The following DHX35 variants were observed in gnomAD, a reference collection of about 807,000 sequenced individuals.
The protein encoded by DHX35 is probable ATP-dependent RNA helicase DHX35.
DHX35 carries 84 observed loss-of-function variants against 99.6 expected under a neutral mutation model. The observed-to-expected ratio is 0.84, with a 90% CI of 0.71 to 1.01. The LOEUF (loss-of-function observed/expected upper bound fraction) is 1.01, where lower values mean the gene tolerates loss of function less well. DHX35 is among the 50% of genes least tolerant of loss of function. The probability of loss-of-function intolerance (pLI) is 0.00; values close to 1 mark genes in which losing one functional copy is unlikely to be tolerated. For missense variants in DHX35, 852 were observed against 888.5 expected (o/e 0.96, Z 0.52); for synonymous variants, 331 against 316.2 (o/e 1.05, Z -0.50).
chr20:38,967,674 C>G (rs1484379316), intron 1 of DHX35, among the ~76,000 whole-genome samples: 1 of 152,190 alleles, frequency 6.6e-6, no homozygotes, highest in Non-Finnish European at 1.5e-5. Context: ...TATGGCTTCC[C>G]TATTCTTCAC....
chr20:38,968,258 A>G (rs568077974), intron 1 of DHX35, among the ~76,000 whole-genome samples: 5 of 152,270 alleles, frequency 3.3e-5, no homozygotes, highest in African/African-American at 9.6e-5. Context: ...GCTCCTGTAC[A>G]GTAGCCAACC....
At chr20:38,987,033 C>T (rs1408362273) in intron 4 of DHX35, among the ~76,000 whole-genome samples, 1 of 152,174 alleles carries the variant, frequency 6.6e-6, no homozygotes, top group Non-Finnish European at 1.5e-5. Context: ...TGTCTCAGGA[C>T]ACCACATGTG....
chr20:38,991,211 A>T (rs1324095454), intron 5 of DHX35, among the ~76,000 whole-genome samples: 2 of 152,216 alleles, frequency 1.3e-5, no homozygotes, highest in Non-Finnish European at 2.9e-5. Context: ...TGATGTTCCC[A>T]TAATAAAGGC....
intron 2 of DHX35, among the ~76,000 whole-genome samples, chr20:38,969,497 GAT>G (rs1324757084): frequency 6.6e-6 from 1 of 152,082 alleles, no homozygotes; most frequent in Admixed American, 6.5e-5. Context: ...GACAATTTCA[GAT>G]ATACAGAAAA....
intron 16 of DHX35, among the ~76,000 whole-genome samples, chr20:39,022,839 A>C (rs546124022): frequency 6.6e-6 from 1 of 152,232 alleles, no homozygotes; most frequent in African/African-American, 2.4e-5. Flanking sequence ...AGAGATAGAT[A>C]CTCAGAAGTA....
rs78993681 is a variant in DHX35, at chr20:38,980,532, G to C, written c.268-3167G>C. ...TTCTGTTTTTTTTTTTTTTGTATTT[G>C]TGTTGATTGGGGTGGTTGGTAGTAT... On this transcript the variant is annotated intron_variant, in intron 3 of 21. Transcript: ENST00000252011. Among the ~76,000 whole-genome samples, 609 of 116,698 alleles carry C rather than the reference G, an allele frequency of 5.2e-3. 28 individuals are homozygous for C. The East Asian group carries it at 0.12, about 24-fold the overall frequency. 76.6% of individuals were successfully genotyped at this position (116,698 alleles called of 152,430 possible). A position where few individuals can be genotyped will look rare whatever the true frequency, so the allele number is the denominator to read the frequency against.
At chr20:39,001,511 C>CT (rs2086519647) in intron 8 of DHX35, among the ~76,000 whole-genome samples, 1 of 152,156 alleles carries the variant, frequency 6.6e-6, no homozygotes, top group Non-Finnish European at 1.5e-5. Flanking sequence ...TTTATTAAAA[C>CT]TTTAGTAAAG....
intron 12 of DHX35, 37 bp from the exon 13 acceptor site, chr20:39,010,243 C>CT (rs1329727481): frequency 1.2e-5 from 19 of 1,613,784 alleles, no homozygotes; most frequent in Non-Finnish European, 1.6e-5. Flanking sequence ...TTGATTGTGA[C>CT]ATTTGGTCCC....
intron 5 of DHX35, among the ~76,000 whole-genome samples, chr20:38,991,219 G>T (rs2086332240): frequency 6.6e-6 from 1 of 152,146 alleles, no homozygotes. Flanking sequence ...CCATAATAAA[G>T]GCAAGTGAAA....
At chr20:39,033,156 A>G (rs2087086043) in intron 20 of DHX35, among the ~76,000 whole-genome samples, 1 of 152,024 alleles carries the variant, frequency 6.6e-6, no homozygotes, top group African/African-American at 2.4e-5. Flanking sequence ...GGATCGCTTG[A>G]GCCCAGGAGA....
intron 18 of DHX35, among the ~76,000 whole-genome samples, chr20:39,026,537 G>A (rs1294391117): frequency 6.6e-6 from 1 of 152,186 alleles, no homozygotes; most frequent in Non-Finnish European, 1.5e-5. Context: ...TAGAAGACGT[G>A]CTGGCAGATG....
chr20:39,028,534 G>A, intron 19 of DHX35, 35 bp downstream of exon 19: 1 of 1,602,378 alleles, frequency 6.2e-7, no homozygotes, highest in Non-Finnish European at 8.6e-7. Flanking sequence ...TTTGTTAAAG[G>A]AACAATCTTA....
At chr20:39,016,446 T>G (rs2086786618) in intron 14 of DHX35, among the ~76,000 whole-genome samples, 1 of 152,226 alleles carries the variant, frequency 6.6e-6, no homozygotes, top group Admixed American at 6.5e-5. Flanking sequence ...CACAGGTTCC[T>G]TCATGTTGTA....
At chr20:39,019,794 A>G (rs1600435130) in intron 15 of DHX35, among the ~76,000 whole-genome samples, 1 of 152,200 alleles carries the variant, frequency 6.6e-6, no homozygotes, top group Admixed American at 6.5e-5. Context: ...TGTGGTCACC[A>G]TGCAGTGCAA....
Position 39,014,921 on chromosome 20 carries a change from G to A in DHX35, c.1389G>A (p.Leu463=), listed in dbSNP as rs1157975485. 2.5e-6 allele frequency: 4 copies of A among 1,614,126 alleles called. No homozygotes were observed. Among genetic ancestry groups the A allele is most frequent in the Non-Finnish European group, 1.7e-6 (2 of 1,180,004 alleles). ...AQSMVQALEL[L]YALGGLDKDC... Reference sequence around the variant, plus strand: ...CGATGGTTCAAGCCTTGGAGTTACTGTATGCTCTGGGAGGTATGCCAGTTT... The same window carrying A: ...CGATGGTTCAAGCCTTGGAGTTACTATATGCTCTGGGAGGTATGCCAGTTT... The change falls in exon 14 of 22, where the codon CTG becomes CTA. Residue 463 remains leucine (L), a synonymous_variant. Coordinates refer to ENST00000252011, the MANE Select transcript of DHX35 (RefSeq NM_021931.4).
At chr20:38,991,606 CTG>C (rs2086338894) in intron 6 of DHX35, 91 bp downstream of exon 6, 3 of 1,076,886 alleles carry the variant, frequency 2.8e-6, no homozygotes, top group Non-Finnish European at 4.1e-6. Flanking sequence ...GGATTCACGT[CTG>C]TGTTCAGCTG....
chr20:39,029,463 G>T (rs946860163), intron 19 of DHX35: 1 of 150,736 alleles, frequency 6.6e-6, no homozygotes, highest in Admixed American at 6.7e-5. Context: ...TGGAACTGCA[G>T]GATAGCACTT....
intron 21 of DHX35, 102 bp downstream of exon 21, chr20:39,034,419 C>T (rs80042855): frequency 0.13 from 126,328 of 947,208 alleles, 9,439 homozygotes; most frequent in East Asian, 0.26. Context: ...GTGTGTTCCC[C>T]CTAGGGGTGC....
intron 12 of DHX35, among the ~76,000 whole-genome samples, chr20:39,007,717 G>A (rs535376587): frequency 6.6e-6 from 1 of 152,292 alleles, no homozygotes; most frequent in East Asian, 1.9e-4. Context: ...AGGGAAGGAA[G>A]TGGGTTTGGA....
Sources: allele counts gnomAD v4.1 joint callset (sites outside exome capture counted in the v4.1 genomes callset), GRCh38; gene constraint gnomAD v4.1.1; transcripts MANE v1.5; gene names NCBI Gene and HGNC (gene_info 2026-07-23, HGNC 2026-07-21).